Variants in ELF2 observed in about 807,000 individuals in gnomAD.
ELF2 encodes ETS-related transcription factor Elf-2.
A neutral mutation model predicts 54.8 loss-of-function variants in ELF2; 11 were observed. The observed-to-expected ratio is 0.20, with a 90% CI of 0.13 to 0.33. ELF2 has a LOEUF of 0.33. Among genes scored for constraint, ELF2 ranks in the 10% least tolerant of loss-of-function variants. The probability of loss-of-function intolerance (pLI) is 1.00; values close to 1 mark genes in which losing one functional copy is unlikely to be tolerated. For synonymous variants in ELF2, 203 were observed against 245.1 expected (o/e 0.83, Z 1.61); for missense variants, 513 against 703.0 (o/e 0.73, Z 3.06).
At chr4:139,093,512 T>C (rs1378732281) in intron 4 of ELF2, among the ~76,000 whole-genome samples, 1 of 152,170 alleles carries the variant, frequency 6.6e-6, no homozygotes, top group African/African-American at 2.4e-5. Flanking sequence ...GAAAGTAAAA[T>C]TATGGTTCCA....
At chr4:139,082,606 C>T (rs1215714248) in intron 4 of ELF2, among the ~76,000 whole-genome samples, 3 of 152,170 alleles carry the variant, frequency 2.0e-5, no homozygotes, top group Non-Finnish European at 2.9e-5. Context: ...AATTTTGATA[C>T]ATGTGTTCAT....
At chr4:139,172,454 C>T (rs1029245473) in intron 1 of ELF2, among the ~76,000 whole-genome samples, 1 of 152,166 alleles carries the variant, frequency 6.6e-6, no homozygotes, top group African/African-American at 2.4e-5. Flanking sequence ...ACGCTGTCTA[C>T]ACTACCTGCT....
At chr4:139,080,515 G>A (rs889076510) in intron 4 of ELF2, among the ~76,000 whole-genome samples, 3 of 151,596 alleles carry the variant, frequency 2.0e-5, no homozygotes, top group East Asian at 1.9e-4. Context: ...AAATATTTAG[G>A]CTAAATTTCC....
intron 4 of ELF2, among the ~76,000 whole-genome samples, chr4:139,114,627 A>ATTTT (rs70940493): frequency 1.1e-5 from 1 of 92,970 alleles, no homozygotes; most frequent in African/African-American, 4.3e-5. Context: ...ACTGACATGG[A>ATTTT]TTTTTTTTTT....
chr4:139,152,896 T>TC (rs1560873770), intron 1 of ELF2, among the ~76,000 whole-genome samples: 1 of 143,996 alleles, frequency 6.9e-6, no homozygotes. Context: ...TCATACTTTT[T>TC]TTTTTTTTTT....
chr4:139,067,878 T>G, intron 6 of ELF2, 108 bp from the exon 7 acceptor site: 1 of 1,052,762 alleles, frequency 9.5e-7, no homozygotes, highest in Non-Finnish European at 1.4e-6. Flanking sequence ...GATACTAATT[T>G]GTAGATGAAT....
intron 4 of ELF2, among the ~76,000 whole-genome samples, chr4:139,089,764 T>TAAGTTATTCATCACATTATCTAATA (rs1466019592): frequency 6.6e-6 from 1 of 152,230 alleles, no homozygotes; most frequent in African/African-American, 2.4e-5. Context: ...TCACATTATC[T>TAAGTTATTCATCACATTATCTAATA]AAGTTATTCA....
intron 1 of ELF2, among the ~76,000 whole-genome samples, chr4:139,170,478 G>A (rs1211487326): frequency 6.6e-6 from 1 of 151,040 alleles, no homozygotes; most frequent in African/African-American, 2.4e-5. Flanking sequence ...TGGCCAGGCT[G>A]GTCTCGAATG....
intron 3 of ELF2, among the ~76,000 whole-genome samples, chr4:139,136,334 AAAG>A: frequency 6.6e-6 from 1 of 152,282 alleles, no homozygotes; most frequent in African/African-American, 2.4e-5. Context: ...GAGAAAAGAA[AAAG>A]AAGACCTTCA....
chr4:139,125,199 T>TCTGC lies in ELF2; in HGVS notation c.199_202dup (p.Glu68GlyfsTer7). On this transcript the variant is annotated frameshift_variant, in exon 4 of 10. Transcript: ENST00000686138. LOFTEE classifies it high-confidence loss of function. ...ATTCTCGGTCTCAACTTCTTGTTCT[T>TCTGC]CTGCCACATCTTGCATCATATAAGT... The TCTGC allele has an allele frequency of 6.2e-7, 1 of 1,613,066 alleles. No homozygotes were observed. Among genetic ancestry groups the TCTGC allele is most frequent in the Non-Finnish European group, 8.5e-7 (1 of 1,179,728 alleles).
At chr4:139,168,517 C>T (rs1210850525) in intron 1 of ELF2, among the ~76,000 whole-genome samples, 1 of 152,062 alleles carries the variant, frequency 6.6e-6, no homozygotes, top group Non-Finnish European at 1.5e-5. Context: ...AATGGATTCC[C>T]GGCAGACTTA....
At chr4:139,084,317 A>T (rs908872408) in intron 4 of ELF2, 4 of 1,576,134 alleles carry the variant, frequency 2.5e-6, no homozygotes, top group African/African-American at 2.7e-5. Context: ...ACGCACTCGC[A>T]CACACTCCGA....
chr4:139,124,947 A>G (rs1187651698), intron 4 of ELF2, among the ~76,000 whole-genome samples: 2 of 152,232 alleles, frequency 1.3e-5, no homozygotes, highest in African/African-American at 4.8e-5. Flanking sequence ...TTTTGTGCAT[A>G]GAGTCCATGA....
chr4:139,115,185 C>T (rs1735519994), intron 4 of ELF2: 2 of 1,612,058 alleles, frequency 1.2e-6, no homozygotes, highest in Admixed American at 1.7e-5. Context: ...TCCGTAGCTC[C>T]TTGCGGTCAT....
intron 1 of ELF2, among the ~76,000 whole-genome samples, chr4:139,170,799 G>T (rs957954265): frequency 6.6e-6 from 1 of 151,030 alleles, no homozygotes; most frequent in Admixed American, 6.6e-5. Flanking sequence ...AGGCTGCAGT[G>T]CAGTGTTGCA....
intron 4 of ELF2, among the ~76,000 whole-genome samples, chr4:139,075,329 G>T (rs989145473): frequency 6.6e-6 from 1 of 152,208 alleles, no homozygotes; most frequent in Non-Finnish European, 1.5e-5. Context: ...TATCATTCCT[G>T]TAAGATTATA....
intron 1 of ELF2, among the ~76,000 whole-genome samples, chr4:139,157,550 T>C (rs747163335): frequency 6.6e-6 from 1 of 152,138 alleles, no homozygotes; most frequent in African/African-American, 2.4e-5. Context: ...TATAGGCACA[T>C]GCCACCAAAC....
intron 4 of ELF2, among the ~76,000 whole-genome samples, chr4:139,087,129 G>A (rs1334011975): frequency 6.6e-6 from 1 of 152,032 alleles, no homozygotes; most frequent in Non-Finnish European, 1.5e-5. Flanking sequence ...CATGTTTTTT[G>A]CATTTTAACT....
At chr4:139,170,093 T>C (rs890474488) in intron 1 of ELF2, among the ~76,000 whole-genome samples, 1 of 152,084 alleles carries the variant, frequency 6.6e-6, no homozygotes, top group Non-Finnish European at 1.5e-5. Context: ...AATCTAACTG[T>C]TAGAGTTAAA....
Sources: gnomAD v4.1 joint callset for allele counts (sites outside exome capture counted in the v4.1 genomes callset) on GRCh38, gnomAD v4.1.1 for gene constraint, MANE v1.5 for transcripts, NCBI Gene and HGNC (gene_info 2026-07-23, HGNC 2026-07-21) for gene names.